Variants in CMTM8 observed in about 807,000 individuals in gnomAD.
CMTM8 encodes CKLF-like MARVEL transmembrane domain-containing protein 8.
CMTM8 carries 12 observed loss-of-function variants against 18.6 expected under a neutral mutation model. That is an observed-to-expected ratio of 0.65 (90% CI 0.41 to 1.05). The LOEUF (loss-of-function observed/expected upper bound fraction) is 1.05, where lower values mean the gene tolerates loss of function less well. Ranked by LOEUF, CMTM8 falls within the 50% of genes least tolerant of loss-of-function variation. CMTM8 has a pLI of 0.00. For missense variants in CMTM8, 217 were observed against 227.2 expected, an observed-to-expected ratio of 0.95 and a Z score of 0.29; for synonymous variants, 87 against 90.6, an observed-to-expected ratio of 0.96 and a Z score of 0.23.
chr3:32,247,580 C>T (rs1383014069), intron 1 of CMTM8, among the ~76,000 whole-genome samples: 2 of 152,082 alleles, frequency 1.3e-5, no homozygotes, highest in African/African-American at 2.4e-5. Flanking sequence ...CCCACCTCGA[C>T]CTCCCCAAGT....
chr3:32,326,265 G>A (rs1293861514), intron 1 of CMTM8, among the ~76,000 whole-genome samples: 2 of 152,166 alleles, frequency 1.3e-5, no homozygotes, highest in Non-Finnish European at 2.9e-5. Flanking sequence ...GCCAGAATAG[G>A]TTTTCAAAAA....
intron 1 of CMTM8, among the ~76,000 whole-genome samples, chr3:32,348,691 G>A (rs1483852894): frequency 6.6e-6 from 1 of 151,620 alleles, no homozygotes; most frequent in Non-Finnish European, 1.5e-5. Context: ...GGTAGAGATG[G>A]GGTTTTGCCA....
At chr3:32,286,155 C>T (rs771568331) in intron 1 of CMTM8, among the ~76,000 whole-genome samples, 5 of 152,190 alleles carry the variant, frequency 3.3e-5, no homozygotes, top group South Asian at 2.1e-4. Context: ...TCTGTTGTAG[C>T]GGCCCACCTC....
intron 1 of CMTM8, among the ~76,000 whole-genome samples, chr3:32,311,415 G>T (rs1695817348): frequency 6.6e-6 from 1 of 152,210 alleles, no homozygotes; most frequent in Admixed American, 6.5e-5. Context: ...CCATCTGGCA[G>T]GACTTCGCTC....
chr3:32,279,137 C>T (rs929071046), intron 1 of CMTM8, among the ~76,000 whole-genome samples: 1 of 151,210 alleles, frequency 6.6e-6, no homozygotes, highest in African/African-American at 2.4e-5. Context: ...AGATGCCACC[C>T]ACGGTTCTGT....
At chr3:32,276,542 G>A (rs879302527) in intron 1 of CMTM8, among the ~76,000 whole-genome samples, 1 of 152,176 alleles carries the variant, frequency 6.6e-6, no homozygotes, top group Non-Finnish European at 1.5e-5. Flanking sequence ...ACCTTTGCAT[G>A]GGTGCTTTAT....
At chr3:32,298,876 C>T (rs573648533) in intron 1 of CMTM8, among the ~76,000 whole-genome samples, 4 of 145,816 alleles carry the variant, frequency 2.7e-5, no homozygotes, top group Non-Finnish European at 4.5e-5. Context: ...TATATACACA[C>T]ACATACATAT....
intron 1 of CMTM8, among the ~76,000 whole-genome samples, chr3:32,334,126 G>A (rs1253394242): frequency 7.3e-5 from 11 of 151,456 alleles, no homozygotes; most frequent in Admixed American, 3.9e-4. Flanking sequence ...TTACAGGCAC[G>A]CACCACCATG....
intron 2 of CMTM8, 95 bp from the exon 3 acceptor site, chr3:32,367,777 C>G (rs888167582): frequency 2.5e-6 from 2 of 795,082 alleles, no homozygotes; most frequent in Non-Finnish European, 4.2e-6. Flanking sequence ...TTGGGCCCCT[C>G]CCCACACCAG....
intron 1 of CMTM8, among the ~76,000 whole-genome samples, chr3:32,334,317 A>C (rs571102897): frequency 9.9e-5 from 15 of 151,652 alleles, no homozygotes; most frequent in Admixed American, 2.6e-4. Flanking sequence ...TCTAAAAAAT[A>C]GTCTATTGAC....
At chr3:32,254,781 G>A (rs947167942) in intron 1 of CMTM8, among the ~76,000 whole-genome samples, 12 of 151,898 alleles carry the variant, frequency 7.9e-5, no homozygotes, top group Admixed American at 6.6e-5. Context: ...CCCATTCAAA[G>A]TATACAACTA....
chr3:32,281,911 A>G, intron 1 of CMTM8, among the ~76,000 whole-genome samples: 1 of 151,738 alleles, frequency 6.6e-6, no homozygotes, highest in East Asian at 1.9e-4. Context: ...TGTGTACCTC[A>G]TCTTCTTTCC....
At position 32,242,424 on chromosome 3, in the gene CMTM8, T is replaced by C. The variant is rs148400816; in HGVS notation, c.147+3305T>C. Among the ~76,000 whole-genome samples the C allele has an allele frequency of 7.9e-3, 1,195 of 152,132 alleles. 9 individuals carry two copies. The highest frequency in any genetic ancestry group is 0.014 in the Middle Eastern group (4 of 294). Reference sequence around the variant, plus strand: ...GCAACCTACCCCTCCTGGGCTCAAGTGATCCTCCCACCTCAGCCTCCCAAG... The same window carrying C: ...GCAACCTACCCCTCCTGGGCTCAAGCGATCCTCCCACCTCAGCCTCCCAAG... On this transcript the variant is annotated intron_variant, in intron 1 of 3. Transcript: ENST00000307526.
intron 1 of CMTM8, among the ~76,000 whole-genome samples, chr3:32,352,875 GTTT>G (rs5847757): frequency 0.02 from 2,979 of 149,334 alleles, 47 homozygotes; most frequent in Non-Finnish European, 0.029. Context: ...CATAGGTTCT[GTTT>G]TTTTTTTTTT....
At chr3:32,305,173 G>A (rs1424255857) in intron 1 of CMTM8, among the ~76,000 whole-genome samples, 2 of 151,454 alleles carry the variant, frequency 1.3e-5, no homozygotes, top group African/African-American at 2.4e-5. Context: ...GGCTAAGGCA[G>A]TGGTTCTCAG....
chr3:32,360,357 T>C (rs1325950194), intron 2 of CMTM8, among the ~76,000 whole-genome samples: 1 of 152,222 alleles, frequency 6.6e-6, no homozygotes, highest in Non-Finnish European at 1.5e-5. Flanking sequence ...ATTCTTAGAA[T>C]TCGTTTGCTG....
At chr3:32,274,001 G>C (rs552407509) in intron 1 of CMTM8, among the ~76,000 whole-genome samples, 41 of 152,110 alleles carry the variant, frequency 2.7e-4, no homozygotes, top group African/African-American at 8.9e-4. Flanking sequence ...TTTCATGCCA[G>C]CTCAGCAACA....
At chr3:32,348,288 A>G (rs1482440202) in intron 1 of CMTM8, among the ~76,000 whole-genome samples, 1 of 152,126 alleles carries the variant, frequency 6.6e-6, no homozygotes, top group East Asian at 1.9e-4. Context: ...TGCCTCTTTT[A>G]TTAGGCAACC....
chr3:32,309,206 G>A (rs900856789), intron 1 of CMTM8, among the ~76,000 whole-genome samples: 3 of 152,022 alleles, frequency 2.0e-5, no homozygotes, highest in Admixed American at 1.3e-4. Flanking sequence ...GCATTGCCTG[G>A]GCCTTTCTAG....
Sources: gnomAD v4.1 joint callset for allele counts (sites outside exome capture counted in the v4.1 genomes callset) on GRCh38, gnomAD v4.1.1 for gene constraint, MANE v1.5 for transcripts, NCBI Gene and HGNC (gene_info 2026-07-23, HGNC 2026-07-21) for gene names.